Variants in CACNA1S observed in about 807,000 individuals in gnomAD.
CACNA1S encodes the protein calcium voltage-gated channel subunit alpha1 S.
Under a neutral mutation model 207.4 loss-of-function variants are expected in CACNA1S, and 126 were observed. The observed-to-expected ratio is 0.61, with a 90% confidence interval of 0.53 to 0.70. The LOEUF (loss-of-function observed/expected upper bound fraction) is 0.70. Ranked by LOEUF, CACNA1S falls within the 30% of genes least tolerant of loss-of-function variation. CACNA1S has a pLI of 0.00. For synonymous variants in CACNA1S, 960 were observed against 932.7 expected, an observed-to-expected ratio of 1.03 and a Z score of -0.53; for missense variants, 2,349 against 2,422.8, an observed-to-expected ratio of 0.97 and a Z score of 0.64.
At position 201,073,555 on chromosome 1, in the gene CACNA1S, A is replaced by T; in HGVS notation, c.2151T>A (p.Thr717=). ...QKPKGEGIPT[T]AKLKIDEFES... ...CCCCACCTGAGGTGCTCACCTTGGC[A>T]GTGGTGGGGATGCCCTCACCCTTGG... Residue 717 remains threonine (T), a synonymous_variant, in exon 15 of 44, where the codon ACT becomes ACA. Transcript: ENST00000362061. 3 of 1,612,956 alleles carry T rather than the reference A, an allele frequency of 1.9e-6. No homozygotes were observed. The highest frequency in any genetic ancestry group is 2.5e-6 in the Non-Finnish European group (3 of 1,178,882).
intron 2 of CACNA1S, among the ~76,000 whole-genome samples, chr1:201,106,542 A>C (rs1662897210): frequency 6.6e-6 from 1 of 152,202 alleles, no homozygotes; most frequent in Admixed American, 6.5e-5. Flanking sequence ...CCCCACGTTC[A>C]AACAGTAGGA....
chr1:201,075,418 C>A, intron 13 of CACNA1S, 77 bp downstream of exon 13: 1 of 1,589,974 alleles, frequency 6.3e-7, no homozygotes, highest in Non-Finnish European at 8.6e-7. Flanking sequence ...AAACTGGACA[C>A]CCTTGACCCC....
intron 2 of CACNA1S, among the ~76,000 whole-genome samples, chr1:201,105,438 G>A (rs796811261): frequency 3.9e-5 from 6 of 152,308 alleles, no homozygotes; most frequent in African/African-American, 9.6e-5. Context: ...GGAACAGAAA[G>A]GTTACATAAC....
intron 10 of CACNA1S, among the ~76,000 whole-genome samples, chr1:201,080,092 G>C (rs993587321): frequency 6.6e-6 from 1 of 152,124 alleles, no homozygotes; most frequent in South Asian, 2.1e-4. Context: ...CTGGAGATCT[G>C]GTGTTATCTA....
Position 201,085,454 on chromosome 1 carries a change from C to T in CACNA1S, c.1132G>A (p.Val378Ile), listed in dbSNP as rs577240103. The part of the protein sequence containing the change: ...SWITQGEVMD[V>I]EDFREGKLSL... Reference sequence around the variant, plus strand: ...CCCAAACCTTCTCTGAAGTCCTCAACATCCATGACCTCGCCCTGCGTGATC... The same window carrying T: ...CCCAAACCTTCTCTGAAGTCCTCAATATCCATGACCTCGCCCTGCGTGATC... The change falls in exon 8 of 44, where the codon GTT becomes ATT. Residue 378 changes from valine to isoleucine, a missense_variant. Coordinates refer to ENST00000362061, the MANE Select transcript of CACNA1S (RefSeq NM_000069.3). 2.5e-6 allele frequency: 4 copies of T among 1,613,654 alleles called. No individual in the cohort carries two copies. In the East Asian group the frequency reaches 6.7e-5, roughly 27 times the overall value.
chr1:201,089,582 A>T (rs1193502519), intron 5 of CACNA1S, 119 bp from the exon 6 acceptor site: 1 of 979,918 alleles, frequency 1.0e-6, no homozygotes, highest in Non-Finnish European at 1.6e-6. Context: ...CACTCTGCTG[A>T]AAATGCAAAA....
intron 2 of CACNA1S, among the ~76,000 whole-genome samples, chr1:201,102,347 G>A (rs1252716797): frequency 1.3e-5 from 2 of 152,174 alleles, no homozygotes; most frequent in African/African-American, 4.8e-5. Flanking sequence ...ACCACTGGGA[G>A]GGCAAAGGTA....
intron 6 of CACNA1S, among the ~76,000 whole-genome samples, 157 bp downstream of exon 6, chr1:201,089,101 C>T (rs532141130): frequency 6.6e-5 from 10 of 152,384 alleles, no homozygotes; most frequent in African/African-American, 1.7e-4. Context: ...AAGGGACACA[C>T]ATCCTGTATA....
chr1:201,085,609 G>C, intron 7 of CACNA1S, 28 bp from the exon 8 acceptor site: 1 of 1,613,360 alleles, frequency 6.2e-7, no homozygotes, highest in Non-Finnish European at 8.5e-7. Context: ...AGCCAGGAGA[G>C]GAGGAGAAGA....
chr1:201,065,968 G>GT, intron 21 of CACNA1S, 23 bp from the exon 22 acceptor site: 4 of 1,528,274 alleles, frequency 2.6e-6, no homozygotes, highest in Non-Finnish European at 3.6e-6. Flanking sequence ...GGGCCAATGG[G>GT]GACTGGGGGT....
At chr1:201,051,680 A>G (rs1005133275) in intron 32 of CACNA1S, among the ~76,000 whole-genome samples, 1 of 152,216 alleles carries the variant, frequency 6.6e-6, no homozygotes, top group Admixed American at 6.5e-5. Context: ...TGCTCTGTAG[A>G]TAACCTCCCT....
rs567950654 is a variant in CACNA1S at position 201,066,693 on chromosome 1, G to A, written c.2657+194C>T. ...CTCCTGCCAGTCTCTAGAACAGAGC[G>A]CTGCCCACTTCACTGGTGGCAACCC... On this transcript the variant is annotated intron_variant, in intron 20 of 43. Coordinates refer to ENST00000362061, the MANE Select transcript of CACNA1S (RefSeq NM_000069.3). The surrounding 1 kb of genome is among the most constrained non-coding windows in gnomAD (Gnocchi z 4.3). 4.5e-4 allele frequency among the ~76,000 whole-genome samples: 68 copies of A among 152,322 alleles called. No individual in the cohort carries two copies. The highest frequency in any genetic ancestry group is 1.5e-3 in the African/African-American group (63 of 41,580).
chr1:201,080,703 G>A (rs1661811725), intron 10 of CACNA1S, among the ~76,000 whole-genome samples: 1 of 151,644 alleles, frequency 6.6e-6, no homozygotes, highest in Admixed American at 6.6e-5. Context: ...CTCTTTCTCA[G>A]GGTGGCTCTG....
At chr1:201,063,858 G>A (rs573114912) in intron 22 of CACNA1S, among the ~76,000 whole-genome samples, 1 of 152,314 alleles carries the variant, frequency 6.6e-6, no homozygotes, top group East Asian at 1.9e-4. Context: ...CACTGGGCAG[G>A]GTCTGGGCAC....
chr1:201,047,719 C>T, intron 36 of CACNA1S, 93 bp from the exon 37 acceptor site: 1 of 842,320 alleles, frequency 1.2e-6, no homozygotes, highest in Non-Finnish European at 2.0e-6. Context: ...GACAGCCAGT[C>T]ATTTACTAAG....
At position 201,066,813 on chromosome 1, in the gene CACNA1S, G is replaced by A. The variant is rs1162333164; in HGVS notation, c.2657+74C>T. 22 of 1,106,064 alleles carry A rather than the reference G, an allele frequency of 2.0e-5. 1 individual carries two copies. The highest frequency in any genetic ancestry group is 2.5e-5 in the East Asian group (1 of 39,496). The allele number at this position is 1,106,064 out of a possible 1,614,324, so 68.5% of individuals were successfully genotyped here. On this transcript the variant is annotated intron_variant, in intron 20 of 43. Transcript: ENST00000362061. The surrounding 1 kb of genome is among the most constrained non-coding windows in gnomAD (Gnocchi z 4.3). Reference sequence around the variant, plus strand: ...TGGCAGGGGCCCACCAACATGGGTGGGACTCCCACTACAAAGCCCTGGCAC... The same window carrying A: ...TGGCAGGGGCCCACCAACATGGGTGAGACTCCCACTACAAAGCCCTGGCAC...
In CACNA1S at chr1:201,044,476, T is replaced by C; in HGVS notation, c.4669-20A>G. On this transcript the variant is annotated intron_variant, in intron 38 of 43. Transcript: ENST00000362061. ...CCCTGCCTGGGGATGACGAAGGGAC[T>C]CAGTTATCTCTCCAGCCCAGGAGAG... 6.2e-7 allele frequency: 1 copy of C among 1,610,076 alleles called. No individual in the cohort carries two copies. Among genetic ancestry groups the C allele is most frequent in the South Asian group, 1.1e-5 (1 of 91,040 alleles).
chr1:201,094,878 C>T (rs1482579718), intron 2 of CACNA1S, among the ~76,000 whole-genome samples: 1 of 152,050 alleles, frequency 6.6e-6, no homozygotes, highest in African/African-American at 2.4e-5. Flanking sequence ...GTTACCCTAT[C>T]CTTGGCCCCA....
chr1:201,096,622 C>G (rs1035103468), intron 2 of CACNA1S, among the ~76,000 whole-genome samples: 3 of 152,196 alleles, frequency 2.0e-5, no homozygotes, highest in Non-Finnish European at 4.4e-5. Flanking sequence ...CGGTTTTCAC[C>G]AGCTCTGCTG....
Sources: allele counts gnomAD v4.1 joint callset (sites outside exome capture counted in the v4.1 genomes callset), GRCh38; gene constraint gnomAD v4.1.1; non-coding constraint Gnocchi (gnomAD v3.1); transcripts MANE v1.5; gene names NCBI Gene and HGNC (gene_info 2026-07-23, HGNC 2026-07-21).